The following MFHAS1 variants were observed in gnomAD, a reference collection of about 807,000 sequenced individuals.
MFHAS1 encodes malignant fibrous histiocytoma-amplified sequence 1.
In MFHAS1, 50 loss-of-function variants were observed where a neutral mutation model predicts 70.4. The ratio of observed to expected loss-of-function variants is 0.71; its 90% CI spans 0.57 to 0.90. The LOEUF (loss-of-function observed/expected upper bound fraction) is 0.90. Ranked by LOEUF, MFHAS1 falls within the 40% of genes least tolerant of loss-of-function variation. The pLI is 0.00. For missense variants in MFHAS1, 1,795 were observed against 1,347.6 expected, an observed-to-expected ratio of 1.33 and a Z score of -5.20; for synonymous variants, 952 against 620.0, an observed-to-expected ratio of 1.54 and a Z score of -7.96.
chr8:8,825,619 G>A (rs1046049504), intron 1 of MFHAS1, among the ~76,000 whole-genome samples: 1 of 152,136 alleles, frequency 6.6e-6, no homozygotes, highest in Non-Finnish European at 1.5e-5. Flanking sequence ...TCCCTCTGAG[G>A]ATGTTTGGGT....
chr8:8,792,862 C>T (rs1281117086), intron 2 of MFHAS1, among the ~76,000 whole-genome samples: 1 of 152,122 alleles, frequency 6.6e-6, no homozygotes, highest in Non-Finnish European at 1.5e-5. Flanking sequence ...CAATCTGTAT[C>T]CTTGAGGAGG....
At chr8:8,794,395 A>G (rs970650592) in intron 2 of MFHAS1, among the ~76,000 whole-genome samples, 4 of 152,144 alleles carry the variant, frequency 2.6e-5, no homozygotes, top group African/African-American at 4.8e-5. Flanking sequence ...TCCCGCTTCC[A>G]ATCCACTGTC....
intron 1 of MFHAS1, among the ~76,000 whole-genome samples, chr8:8,877,069 G>A (rs1404243724): frequency 6.6e-6 from 1 of 152,136 alleles, no homozygotes; most frequent in Non-Finnish European, 1.5e-5. Flanking sequence ...AGAGGCCAAG[G>A]TGAGTGGACT....
intron 1 of MFHAS1, among the ~76,000 whole-genome samples, chr8:8,806,652 C>A (rs1302391909): frequency 6.6e-6 from 1 of 152,128 alleles, no homozygotes; most frequent in Non-Finnish European, 1.5e-5. Context: ...TGAGATTTCT[C>A]TGGAATTTCT....
intron 1 of MFHAS1, among the ~76,000 whole-genome samples, chr8:8,883,286 G>C (rs923778669): frequency 6.6e-6 from 1 of 152,230 alleles, no homozygotes; most frequent in Non-Finnish European, 1.5e-5. Flanking sequence ...GGACGCCAAG[G>C]CTGCCAGAGA....
At chr8:8,853,889 G>A (rs999145137) in intron 1 of MFHAS1, among the ~76,000 whole-genome samples, 28 of 152,158 alleles carry the variant, frequency 1.8e-4, no homozygotes, top group Non-Finnish European at 2.2e-4. Context: ...TTATCCAACT[G>A]TTGTAGGTTA....
intron 1 of MFHAS1, among the ~76,000 whole-genome samples, chr8:8,834,025 T>C (rs560086257): frequency 2.6e-5 from 4 of 151,346 alleles, no homozygotes. Context: ...ACTCAGGAGG[T>C]TGAGGCATGA....
chr8:8,790,812 G>A (rs1243490152), intron 2 of MFHAS1, among the ~76,000 whole-genome samples: 1 of 152,190 alleles, frequency 6.6e-6, no homozygotes, highest in Non-Finnish European at 1.5e-5. Context: ...AAAGGCTACA[G>A]ACTTCATCCT....
intron 1 of MFHAS1, among the ~76,000 whole-genome samples, chr8:8,874,484 T>C (rs951288193): frequency 2.9e-4 from 44 of 152,298 alleles, no homozygotes; most frequent in African/African-American, 1.1e-3. Context: ...CATGATCTCA[T>C]TCCTGTTAAA....
At chr8:8,842,608 G>C (rs900533935) in intron 1 of MFHAS1, among the ~76,000 whole-genome samples, 3 of 152,178 alleles carry the variant, frequency 2.0e-5, no homozygotes, top group African/African-American at 7.2e-5. Context: ...TTGCTATCAA[G>C]TGTGGTCTGC....
intron 1 of MFHAS1, among the ~76,000 whole-genome samples, chr8:8,849,574 C>A (rs765484227): frequency 2.0e-5 from 3 of 152,180 alleles, no homozygotes; most frequent in Non-Finnish European, 4.4e-5. Flanking sequence ...ACCTTCACAG[C>A]TGCGGTCCTG....
intron 1 of MFHAS1, among the ~76,000 whole-genome samples, chr8:8,854,448 G>A (rs2116877748): frequency 6.6e-6 from 1 of 152,148 alleles, no homozygotes; most frequent in Middle Eastern, 3.4e-3. Context: ...GTGAACCCGG[G>A]AGGCCGTACT....
At chr8:8,824,607 C>G (rs1275244308) in intron 1 of MFHAS1, among the ~76,000 whole-genome samples, 1 of 151,456 alleles carries the variant, frequency 6.6e-6, no homozygotes, top group Non-Finnish European at 1.5e-5. Flanking sequence ...TGATTCTTGC[C>G]AATATCTATA....
chr8:8,837,157 G>A (rs991569498), intron 1 of MFHAS1, among the ~76,000 whole-genome samples: 1 of 152,208 alleles, frequency 6.6e-6, no homozygotes, highest in Non-Finnish European at 1.5e-5. Flanking sequence ...GCAACTAGAT[G>A]TTCATACCAC....
chr8:8,854,567 C>T (rs1414670093), intron 1 of MFHAS1, among the ~76,000 whole-genome samples: 2 of 151,620 alleles, frequency 1.3e-5, no homozygotes, highest in East Asian at 3.9e-4. Context: ...TGCCTCTAGT[C>T]CCAGCAACTC....
chr8:8,797,759 G>A (rs1223789129), intron 1 of MFHAS1, among the ~76,000 whole-genome samples: 1 of 152,194 alleles, frequency 6.6e-6, no homozygotes, highest in African/African-American at 2.4e-5. Context: ...ATCTGTCACT[G>A]CTCTGCTCAC....
chr8:8,800,608 T>C (rs926695890), intron 1 of MFHAS1, among the ~76,000 whole-genome samples: 1 of 152,138 alleles, frequency 6.6e-6, no homozygotes, highest in Admixed American at 6.5e-5. Context: ...CCCAGTCTCT[T>C]AACACTCTTA....
chr8:8,842,599 T>C (rs1272925331), intron 1 of MFHAS1, among the ~76,000 whole-genome samples: 1 of 152,132 alleles, frequency 6.6e-6, no homozygotes, highest in Non-Finnish European at 1.5e-5. Flanking sequence ...CGTACAGCCT[T>C]GCTATCAAGT....
In MFHAS1 at chr8:8,849,064, C is replaced by CTTTTTTTTTT. The variant is rs145250762; in HGVS notation, c.2998+40987_2998+40996dup. ...TCTGCAGCAATTAATTCCTTTTTAC[C>CTTTTTTTTTT]TTTTTTTTTTTTTTTTTTTTTTTTT... On this transcript the variant is annotated intron_variant, in intron 1 of 2. Transcript: ENST00000276282. Among the ~76,000 whole-genome samples, 51 of 75,806 alleles carry CTTTTTTTTTT rather than the reference C, an allele frequency of 6.7e-4. 2 individuals carry two copies. Among genetic ancestry groups the CTTTTTTTTTT allele is most frequent in the African/African-American group, 1.7e-3 (35 of 20,928 alleles). The allele number at this position is 75,806 out of a possible 152,430, so 49.7% of individuals were successfully genotyped here. A position where few individuals can be genotyped will look rare whatever the true frequency, so the allele number is the denominator to read the frequency against.
Sources: gnomAD v4.1 joint callset for allele counts (sites outside exome capture counted in the v4.1 genomes callset) on GRCh38, gnomAD v4.1.1 for gene constraint, MANE v1.5 for transcripts, NCBI Gene and HGNC (gene_info 2026-07-23, HGNC 2026-07-21) for gene names.